TRPV1: variants seen among roughly 807,000 people sequenced by gnomAD.
TRPV1 encodes OTRPC1.
A neutral mutation model predicts 82.3 loss-of-function variants in TRPV1; 82 were observed. That is an observed-to-expected ratio of 1.00 (90% CI 0.83 to 1.20). TRPV1 has a LOEUF of 1.20. TRPV1 is among the 50% of genes most tolerant of loss of function. The pLI is 0.00. For missense variants in TRPV1, 1,067 were observed against 1,096.8 expected (o/e 0.97, Z 0.38); for synonymous variants, 515 against 467.7 (o/e 1.10, Z -1.30).
chr17:3,600,203 G>A (rs560456103), intron 2 of TRPV1, among the ~76,000 whole-genome samples: 1 of 152,292 alleles, frequency 6.6e-6, no homozygotes, highest in South Asian at 2.1e-4. Context: ...TTCTAACAAT[G>A]TGGGATAGAG....
intron 2 of TRPV1, among the ~76,000 whole-genome samples, chr17:3,594,154 AAGCAGC>A (rs773915600): frequency 0.018 from 1,719 of 95,286 alleles, 78 homozygotes; most frequent in African/African-American, 0.083. Context: ...AAAAAAAAAG[AAGCAGC>A]AGCAGCAGCA....
chr17:3,600,209 T>C (rs1469790758), intron 2 of TRPV1, among the ~76,000 whole-genome samples: 1 of 152,220 alleles, frequency 6.6e-6, no homozygotes, highest in Non-Finnish European at 1.5e-5. Flanking sequence ...CAATGTGGGA[T>C]AGAGCAATGG....
In TRPV1 at chr17:3,592,341, A is replaced by T. The variant is rs370009641; in HGVS notation, c.10T>A (p.Trp4Arg). The stretch of plus-strand genomic sequence containing the variant: ...GCTGCCCCCAAGTCTGTGCTGCTCC[A>T]TTTCTTCATCCTTGCTGGATCCTCT... Reference protein sequence around the residue: MKKWSSTDLGAAAD... With the variant: MKKRSSTDLGAAAD... Residue 4 changes from tryptophan (W) to arginine (R), a missense_variant, in exon 3 of 17, where the codon TGG (tryptophan) becomes AGG (arginine). Coordinates refer to ENST00000572705, the MANE Select transcript of TRPV1 (RefSeq NM_080704.4). 6.3e-7 allele frequency: 1 copy of T among 1,592,548 alleles called. No homozygotes were observed. Among genetic ancestry groups the T allele is most frequent in the East Asian group, 2.3e-5 (1 of 43,960 alleles).
chr17:3,590,234 G>A lies in TRPV1; in HGVS notation c.745+18C>T. The stretch of plus-strand genomic sequence containing the variant: ...GCAAAAGCCAAAAAGATCAGGGTCT[G>A]CCACACTGTCTCCCTACCGAAGTAG... On this transcript the variant is annotated intron_variant, in intron 6 of 16. Coordinates refer to ENST00000572705, the MANE Select transcript of TRPV1 (RefSeq NM_080704.4). 6.2e-7 allele frequency: 1 copy of A among 1,612,928 alleles called. No homozygotes were observed. The highest frequency in any genetic ancestry group is 1.3e-5 in the African/African-American group (1 of 74,990).
intron 2 of TRPV1, among the ~76,000 whole-genome samples, chr17:3,602,477 C>G (rs2150859273): frequency 6.6e-6 from 1 of 152,304 alleles, no homozygotes; most frequent in Non-Finnish European, 1.5e-5. Context: ...TCTGGGTCAT[C>G]ATTTGAAACA....
chr17:3,577,690 T>C lies in TRPV1; in HGVS notation c.1621A>G (p.Met541Val). 3.8e-6 allele frequency: 6 copies of C among 1,589,088 alleles called. No individual in the cohort carries two copies. In the South Asian group the frequency reaches 6.9e-5, roughly 18 times the overall value. The change falls in exon 12 of 17, where the codon ATG becomes GTG. Residue 541 changes from methionine (M) to valine (V), a missense_variant. By Grantham distance (21) the Met-to-Val change is conservative. Transcript: ENST00000572705. ...FSHLKEYVAS[M>V]VFSLALGWTN... Reference sequence around the variant, plus strand: ...CAGCCCAAGGCCAGGGAGAATACCATGGAAGCCACATACTCCTTGAGGTGG... The same window carrying C: ...CAGCCCAAGGCCAGGGAGAATACCACGGAAGCCACATACTCCTTGAGGTGG...
chr17:3,591,818 G>A (rs1287674159), intron 3 of TRPV1, among the ~76,000 whole-genome samples: 2 of 152,224 alleles, frequency 1.3e-5, no homozygotes, highest in East Asian at 3.8e-4. Context: ...TGAGCTTTTA[G>A]ACTTCAAGTC....
intron 2 of TRPV1, among the ~76,000 whole-genome samples, chr17:3,596,690 G>A (rs1359197871): frequency 2.6e-5 from 4 of 152,170 alleles, no homozygotes; most frequent in Non-Finnish European, 2.9e-5. Flanking sequence ...TGCTTCCAAG[G>A]AGCCAGGCTG....
intron 11 of TRPV1, chr17:3,578,821 T>C (rs746236680): frequency 6.6e-6 from 1 of 152,160 alleles, no homozygotes; most frequent in African/African-American, 2.4e-5. Context: ...GTGGTACGTA[T>C]ATACCATGGA....
At chr17:3,599,089 A>G (rs771951680) in intron 2 of TRPV1, among the ~76,000 whole-genome samples, 6 of 151,542 alleles carry the variant, frequency 4.0e-5, no homozygotes, top group Non-Finnish European at 8.8e-5. Context: ...AAAATACAGA[A>G]TTAGCTGGGC....
intron 2 of TRPV1, among the ~76,000 whole-genome samples, chr17:3,600,175 T>G (rs1415696297): frequency 2.6e-5 from 4 of 152,156 alleles, no homozygotes; most frequent in Admixed American, 2.0e-4. Context: ...AACTTTCTAG[T>G]CCTCTGGGAT....
chr17:3,590,403 C>A lies in TRPV1; in HGVS notation c.605-11G>T. 2 of 1,612,218 alleles carry A rather than the reference C, an allele frequency of 1.2e-6. No individual in the cohort carries two copies. The highest frequency in any genetic ancestry group is 1.7e-6 in the Non-Finnish European group (2 of 1,179,038). The stretch of plus-strand genomic sequence containing the variant: ...GCAGTGCTGTCTGGCCTACAGAGGA[C>A]GCGCACGGTTGGCTTCGTGGTCACG... On this transcript the variant is annotated splice_polypyrimidine_tract_variant and intron_variant, in intron 5 of 16. Coordinates refer to ENST00000572705, the MANE Select transcript of TRPV1 (RefSeq NM_080704.4).
At chr17:3,592,542 T>A in intron 2 of TRPV1, 159 bp from the exon 3 acceptor site, 2 of 734,352 alleles carry the variant, frequency 2.7e-6, no homozygotes, top group Non-Finnish European at 4.3e-6. Flanking sequence ...TTTCCAGGAC[T>A]GAACCTCTCA....
chr17:3,574,434 A>ACC (rs928116506), intron 13 of TRPV1, among the ~76,000 whole-genome samples: 1 of 151,096 alleles, frequency 6.6e-6, no homozygotes. Context: ...GTATCCACAA[A>ACC]CCCCCCCGGC....
chr17:3,583,683 C>T (rs932710732), intron 9 of TRPV1, among the ~76,000 whole-genome samples: 4 of 152,236 alleles, frequency 2.6e-5, no homozygotes, highest in Non-Finnish European at 4.4e-5. Context: ...AGCAATGTCC[C>T]GGCAGGCCCA....
chr17:3,576,668 A>AAAATATAT, intron 13 of TRPV1, among the ~76,000 whole-genome samples: 3 of 38,424 alleles, frequency 7.8e-5, no homozygotes, highest in South Asian at 2.6e-3. Flanking sequence ...AAAAAAAAAA[A>AAAATATAT]ATATATATAT....
intron 5 of TRPV1, 54 bp downstream of exon 5, chr17:3,590,910 C>CT: frequency 6.6e-7 from 1 of 1,509,722 alleles, no homozygotes; most frequent in Non-Finnish European, 8.9e-7. Flanking sequence ...ACCATGCCCC[C>CT]CTGCTTCCCG....
chr17:3,588,128 G>A lies in TRPV1; in HGVS notation c.1224+60C>T, dbSNP rs953203660. The A allele has an allele frequency of 4.0e-6, 6 of 1,518,724 alleles. No individual in the cohort carries two copies. In the Admixed American group the frequency reaches 1.0e-4, roughly 25 times the overall value. 94.1% of individuals were successfully genotyped at this position (1,518,724 alleles called of 1,614,324 possible). On this transcript the variant is annotated intron_variant, in intron 8 of 16. Transcript: ENST00000572705. ...CCAGCTGGAGCTGGACCAGGGGCTG[G>A]GATTGGGGCTTGGGTGCAGAGGCCC...
intron 8 of TRPV1, 114 bp from the exon 9 acceptor site, chr17:3,586,040 G>T: frequency 1.5e-6 from 2 of 1,372,782 alleles, no homozygotes; most frequent in Admixed American, 2.1e-5. Flanking sequence ...CTCAGCCCAC[G>T]GAGCAGGTGA....
Sources: gnomAD v4.1 joint callset for allele counts (sites outside exome capture counted in the v4.1 genomes callset) on GRCh38, gnomAD v4.1.1 for gene constraint, MANE v1.5 for transcripts, NCBI Gene and HGNC (gene_info 2026-07-23, HGNC 2026-07-21) for gene names.